KCNJ16: variants seen among roughly 807,000 people sequenced by gnomAD.
KCNJ16 encodes potassium inwardly rectifying channel subfamily J member 16.
KCNJ16 carries 15 observed loss-of-function variants against 18.5 expected under a neutral mutation model. The observed-to-expected ratio is 0.81, with a 90% confidence interval of 0.54 to 1.25. The LOEUF is 1.25. KCNJ16 is among the 50% of genes most tolerant of loss of function. KCNJ16 has a pLI of 0.00. For synonymous variants in KCNJ16, 174 were observed against 186.5 expected (o/e 0.93, Z 0.55); for missense variants, 523 against 525.7 (o/e 0.99, Z 0.05).
chr17:70,097,825 C>T (rs898508556), intron 1 of KCNJ16, among the ~76,000 whole-genome samples: 2 of 152,074 alleles, frequency 1.3e-5, no homozygotes, highest in African/African-American at 2.4e-5. Context: ...CTTCTCTTTC[C>T]TTCATTATGG....
intron 2 of KCNJ16, among the ~76,000 whole-genome samples, chr17:70,119,779 A>G (rs780783357): frequency 8.5e-5 from 13 of 152,110 alleles, no homozygotes; most frequent in Non-Finnish European, 1.8e-4. Flanking sequence ...TTTCTAGAAG[A>G]TTTCTAAAAT....
At chr17:70,080,006 C>A (rs1013042271) in intron 1 of KCNJ16, among the ~76,000 whole-genome samples, 1 of 152,182 alleles carries the variant, frequency 6.6e-6, no homozygotes, top group African/African-American at 2.4e-5. Flanking sequence ...TCTGGCAGTA[C>A]AGCATTGTTA....
At chr17:70,106,363 T>C (rs2072925824) in intron 2 of KCNJ16, among the ~76,000 whole-genome samples, 1 of 152,220 alleles carries the variant, frequency 6.6e-6, no homozygotes, top group African/African-American at 2.4e-5. Flanking sequence ...CTAGTATCTA[T>C]ATCTTAGATA....
intron 2 of KCNJ16, among the ~76,000 whole-genome samples, chr17:70,109,502 C>T (rs1390184887): frequency 6.6e-6 from 1 of 152,116 alleles, no homozygotes; most frequent in Admixed American, 6.6e-5. Flanking sequence ...TAAATATCTA[C>T]ATACTGCCTA....
At chr17:70,128,287 T>G (rs1436309828) in intron 2 of KCNJ16, 1 of 152,246 alleles carries the variant, frequency 6.6e-6, no homozygotes, top group African/African-American at 2.4e-5. Flanking sequence ...TTTAGAAAGC[T>G]GAGGCCTAAA....
intron 1 of KCNJ16, among the ~76,000 whole-genome samples, chr17:70,086,249 G>A (rs1002717447): frequency 2.0e-5 from 3 of 152,112 alleles, no homozygotes; most frequent in Non-Finnish European, 4.4e-5. Flanking sequence ...ATTACAATTA[G>A]TTAATGAAGA....
intron 2 of KCNJ16, among the ~76,000 whole-genome samples, chr17:70,120,688 A>C (rs939611298): frequency 6.6e-6 from 1 of 152,012 alleles, no homozygotes; most frequent in Non-Finnish European, 1.5e-5. Context: ...ATATGACCAG[A>C]CCTTGCAAGA....
intron 1 of KCNJ16, among the ~76,000 whole-genome samples, chr17:70,079,787 C>A (rs985643122): frequency 2.6e-5 from 4 of 152,136 alleles, no homozygotes; most frequent in Non-Finnish European, 5.9e-5. Flanking sequence ...ACTGCAACCT[C>A]CGCCTCCCAG....
At chr17:70,076,617 AATTCAAT>A (rs1352947969) in intron 1 of KCNJ16, among the ~76,000 whole-genome samples, 2 of 152,172 alleles carry the variant, frequency 1.3e-5, no homozygotes, top group Non-Finnish European at 2.9e-5. Flanking sequence ...TTGGGAGAGG[AATTCAAT>A]ATTCTATTTT....
chr17:70,092,513 G>GATAGATAGATAGATAC (rs1303862073), intron 1 of KCNJ16, among the ~76,000 whole-genome samples: 5 of 39,060 alleles, frequency 1.3e-4, no homozygotes, highest in Non-Finnish European at 2.7e-4. Context: ...TAGATAGATA[G>GATAGATAGATAGATAC]ATAGATAGAT....
chr17:70,123,073 A>G (rs2073711005), intron 2 of KCNJ16, among the ~76,000 whole-genome samples: 1 of 152,176 alleles, frequency 6.6e-6, no homozygotes, highest in African/African-American at 2.4e-5. Context: ...TTCAAATGCA[A>G]AAGTTATCAT....
intron 2 of KCNJ16, among the ~76,000 whole-genome samples, chr17:70,126,479 C>T (rs2073860478): frequency 6.6e-6 from 1 of 152,180 alleles, no homozygotes; most frequent in African/African-American, 2.4e-5. Flanking sequence ...GTGCCTGGCA[C>T]ATTAAAAGGT....
intron 1 of KCNJ16, among the ~76,000 whole-genome samples, chr17:70,088,219 C>T (rs905674473): frequency 2.0e-5 from 3 of 151,900 alleles, no homozygotes; most frequent in African/African-American, 7.3e-5. Flanking sequence ...ATTTTTTTCA[C>T]GGATGGAGGA....
intron 1 of KCNJ16, among the ~76,000 whole-genome samples, chr17:70,090,994 C>T (rs1481701152): frequency 1.1e-4 from 5 of 47,014 alleles, no homozygotes; most frequent in Admixed American, 1.0e-3. Context: ...TCTGCCTCCA[C>T]TTCTCTTATA....
intron 1 of KCNJ16, among the ~76,000 whole-genome samples, chr17:70,075,714 T>G (rs2071276557): frequency 6.6e-6 from 1 of 152,122 alleles, no homozygotes; most frequent in Non-Finnish European, 1.5e-5. Context: ...CCACATGGAG[T>G]ATTCTGCAAT....
chr17:70,122,087 T>C (rs1490345757), intron 2 of KCNJ16, among the ~76,000 whole-genome samples: 1 of 152,134 alleles, frequency 6.6e-6, no homozygotes, highest in Non-Finnish European at 1.5e-5. Flanking sequence ...AGATTTAATA[T>C]CTACTTAGAA....
In KCNJ16 at chr17:70,086,218, C is replaced by A. The variant is rs187530850; in HGVS notation, c.-300+10828C>A. 8.8e-3 allele frequency among the ~76,000 whole-genome samples: 1,346 copies of A among 152,218 alleles called. 8 individuals carry two copies. Among genetic ancestry groups the A allele is most frequent in the Non-Finnish European group, 0.015 (1,000 of 67,990 alleles). ...TGAGAATTTTTGTGAGAAAGTGAAG[C>A]AATCTTAACTTTTATTTTTTATTAC... On this transcript the variant is annotated intron_variant, in intron 1 of 3. Coordinates refer to ENST00000392671, the MANE Select transcript of KCNJ16 (RefSeq NM_170741.4).
At chr17:70,117,433 G>A in intron 2 of KCNJ16, among the ~76,000 whole-genome samples, 1 of 151,906 alleles carries the variant, frequency 6.6e-6, no homozygotes, top group East Asian at 1.9e-4. Context: ...CTTCGACATG[G>A]ACCCCAGAAT....
chr17:70,129,728 C>T (rs1168720400), intron 2 of KCNJ16, among the ~76,000 whole-genome samples: 1 of 152,236 alleles, frequency 6.6e-6, no homozygotes, highest in East Asian at 1.9e-4. Context: ...CAAATTGTTA[C>T]ATTATTCAAC....
Sources: allele counts gnomAD v4.1 joint callset (sites outside exome capture counted in the v4.1 genomes callset), GRCh38; gene constraint gnomAD v4.1.1; transcripts MANE v1.5; gene names NCBI Gene and HGNC (gene_info 2026-07-23, HGNC 2026-07-21).